Variants in SUPT3H observed in about 807,000 individuals in gnomAD.
SUPT3H encodes the protein SPT3 homolog, SAGA and STAGA complex component.
A neutral mutation model predicts 44.3 loss-of-function variants in SUPT3H; 44 were observed. That is an observed-to-expected ratio of 0.99 (90% CI 0.78 to 1.28). The LOEUF is 1.28. Among genes scored for constraint, SUPT3H ranks in the 50% most tolerant of loss-of-function variants. The probability of loss-of-function intolerance (pLI) is 0.00; values close to 1 mark genes in which losing one functional copy is unlikely to be tolerated. For missense variants in SUPT3H, 380 were observed against 387.1 expected, an observed-to-expected ratio of 0.98 and a Z score of 0.15; for synonymous variants, 124 against 125.6, an observed-to-expected ratio of 0.99 and a Z score of 0.09.
chr6:45,033,459 C>A (rs1211270439), intron 3 of SUPT3H, among the ~76,000 whole-genome samples: 2 of 152,120 alleles, frequency 1.3e-5, no homozygotes, highest in Non-Finnish European at 1.5e-5. Flanking sequence ...AAAGCAAGTA[C>A]ACAAACAACA....
intron 2 of SUPT3H, among the ~76,000 whole-genome samples, chr6:45,259,314 T>C (rs963764810): frequency 6.6e-6 from 1 of 152,110 alleles, no homozygotes; most frequent in Admixed American, 6.6e-5. Context: ...AGATAGAGGT[T>C]TATCATGTAA....
chr6:44,848,263 C>T (rs751962523), intron 10 of SUPT3H, among the ~76,000 whole-genome samples: 104 of 152,240 alleles, frequency 6.8e-4, no homozygotes, highest in Non-Finnish European at 1.1e-3. Context: ...AGCCACTGTA[C>T]CCAGCCTGTG....
At chr6:44,821,117 C>G (rs1190934247) in intron 11 of SUPT3H, among the ~76,000 whole-genome samples, 1 of 152,158 alleles carries the variant, frequency 6.6e-6, no homozygotes, top group Admixed American at 6.5e-5. Context: ...TTCTAAAGTT[C>G]TGGGATTACA....
At chr6:45,166,138 T>C (rs954297121) in intron 2 of SUPT3H, among the ~76,000 whole-genome samples, 11 of 151,936 alleles carry the variant, frequency 7.2e-5, no homozygotes, top group African/African-American at 2.7e-4. Context: ...ACAAAAAATT[T>C]AAAAATTAGC....
chr6:45,197,636 G>T, intron 2 of SUPT3H: 1 of 350,782 alleles, frequency 2.9e-6, no homozygotes, highest in South Asian at 2.2e-5. Context: ...GGTATTTGCA[G>T]AAAAAAATTG....
chr6:45,369,580 G>C (rs2150301216), intron 1 of SUPT3H, among the ~76,000 whole-genome samples: 1 of 152,160 alleles, frequency 6.6e-6, no homozygotes, highest in East Asian at 1.9e-4. Context: ...ACCAAAGACA[G>C]TGTATCGTAT....
chr6:44,979,710 CAA>C (rs1778832560), intron 6 of SUPT3H, among the ~76,000 whole-genome samples: 1 of 151,794 alleles, frequency 6.6e-6, no homozygotes, highest in African/African-American at 2.4e-5. Context: ...TGACATGGGA[CAA>C]AAAAAGTTCG....
At chr6:44,865,572 T>G (rs898000045) in intron 10 of SUPT3H, among the ~76,000 whole-genome samples, 2 of 151,990 alleles carry the variant, frequency 1.3e-5, no homozygotes, top group African/African-American at 4.8e-5. Flanking sequence ...AGAGAGAGAA[T>G]GAGCACCAAA....
At chr6:45,067,839 A>G (rs1170503162) in intron 3 of SUPT3H, among the ~76,000 whole-genome samples, 4 of 145,796 alleles carry the variant, frequency 2.7e-5, no homozygotes, top group Admixed American at 2.7e-4. Context: ...ATGTGGAGAA[A>G]TAGGAACACT....
intron 2 of SUPT3H, among the ~76,000 whole-genome samples, chr6:45,176,269 C>G (rs939101670): frequency 1.2e-3 from 176 of 150,410 alleles, no homozygotes; most frequent in African/African-American, 4.0e-3. Flanking sequence ...CTGGGAAGCG[C>G]GAGGGGTCAA....
intron 2 of SUPT3H, among the ~76,000 whole-genome samples, chr6:45,213,316 A>G (rs2153631498): frequency 6.6e-6 from 1 of 152,352 alleles, no homozygotes; most frequent in Admixed American, 6.5e-5. Flanking sequence ...GTATTTTTTA[A>G]TAAGTTAATG....
chr6:45,205,964 G>A (rs1379129647), intron 2 of SUPT3H, among the ~76,000 whole-genome samples: 6 of 152,082 alleles, frequency 3.9e-5, no homozygotes, highest in African/African-American at 1.4e-4. Flanking sequence ...CAACAATTAT[G>A]AGAAATAATT....
At chr6:44,943,710 C>T (rs551272145) in intron 9 of SUPT3H, among the ~76,000 whole-genome samples, 30 of 152,022 alleles carry the variant, frequency 2.0e-4, no homozygotes, top group Non-Finnish European at 1.5e-5. Flanking sequence ...TGATTAAAAA[C>T]AATAGAGAAA....
chr6:45,255,373 T>C lies in SUPT3H; in HGVS notation c.101+109828A>G, dbSNP rs552575341. ...TGCACCAAGTATTATTCAAAGAACT[T>C]TATGTTCATTAATTTATTTCATTCT... On this transcript the variant is annotated intron_variant, in intron 2 of 10. Coordinates refer to ENST00000371459, the MANE Select transcript of SUPT3H (RefSeq NM_003599.4). 4.6e-5 allele frequency among the ~76,000 whole-genome samples: 7 copies of C among 152,196 alleles called. No homozygotes were observed. The South Asian group carries it at 1.2e-3, about 27-fold the overall frequency.
intron 9 of SUPT3H, among the ~76,000 whole-genome samples, chr6:44,946,620 T>C (rs1015482017): frequency 2.0e-5 from 3 of 152,210 alleles, no homozygotes; most frequent in Non-Finnish European, 4.4e-5. Flanking sequence ...AAGATATGAC[T>C]GAACTGCTCA....
chr6:45,343,496 G>C (rs1448409794), intron 2 of SUPT3H, among the ~76,000 whole-genome samples: 1 of 152,080 alleles, frequency 6.6e-6, no homozygotes, highest in African/African-American at 2.4e-5. Flanking sequence ...TTTCAAACCT[G>C]AATAGAATTT....
At chr6:45,022,817 A>G (rs978272096) in intron 3 of SUPT3H, among the ~76,000 whole-genome samples, 1 of 151,958 alleles carries the variant, frequency 6.6e-6, no homozygotes, top group African/African-American at 2.4e-5. Context: ...ATACCAAAAT[A>G]CTCAAGTCCT....
At chr6:44,934,127 A>AT (rs1042043567) in intron 9 of SUPT3H, among the ~76,000 whole-genome samples, 4 of 152,128 alleles carry the variant, frequency 2.6e-5, no homozygotes, top group Non-Finnish European at 4.4e-5. Context: ...TAATTACTGT[A>AT]TTTTTTTGAT....
chr6:45,190,498 G>GA (rs1317591158), intron 2 of SUPT3H, among the ~76,000 whole-genome samples: 3 of 149,558 alleles, frequency 2.0e-5, no homozygotes, highest in African/African-American at 7.4e-5. Flanking sequence ...AAACTTATGT[G>GA]AAAAAAAAAT....
Sources: allele counts gnomAD v4.1 joint callset (sites outside exome capture counted in the v4.1 genomes callset), GRCh38; gene constraint gnomAD v4.1.1; transcripts MANE v1.5; gene names NCBI Gene and HGNC (gene_info 2026-07-23, HGNC 2026-07-21).